NAF1: variants seen among roughly 807,000 people sequenced by gnomAD.
NAF1 encodes nuclear assembly factor 1 ribonucleoprotein.
A neutral mutation model predicts 40.6 loss-of-function variants in NAF1; 11 were observed. The observed-to-expected ratio is 0.27, with a 90% confidence interval of 0.17 to 0.45. NAF1 has a LOEUF of 0.45. Among genes scored for constraint, NAF1 ranks in the 20% least tolerant of loss-of-function variants. The pLI, the probability that NAF1 is intolerant of heterozygous loss-of-function variation, is 1.00. For synonymous variants in NAF1, 260 were observed against 228.5 expected (o/e 1.14, Z -1.24); for missense variants, 607 against 611.1 (o/e 0.99, Z 0.07).
Position 163,166,799 on chromosome 4 carries a change from T to G in NAF1, c.-72A>C, listed in dbSNP as rs112872141. 42 of 1,571,796 alleles carry G rather than the reference T, an allele frequency of 2.7e-5. No individual in the cohort carries two copies. The African/African-American group carries it at 3.3e-4, about 12-fold the overall frequency. ...ACAAGCTCACGGCTCTCTCCAGAAA[T>G]AGAAAAACAACTTAGGCAACCGCAG... On this transcript the variant is annotated 5_prime_UTR_variant, in exon 1 of 8. Coordinates refer to ENST00000274054, the MANE Select transcript of NAF1 (RefSeq NM_138386.3).
At chr4:163,113,977 T>A (rs1349786202) in intron 2 of NAF1, among the ~76,000 whole-genome samples, 1 of 152,170 alleles carries the variant, frequency 6.6e-6, no homozygotes, top group African/African-American at 2.4e-5. Flanking sequence ...AAAACTGTAT[T>A]AGCCAAGATT....
In NAF1 at chr4:163,137,587, C is replaced by T. The variant is rs575693380; in HGVS notation, c.879-337G>A. Among the ~76,000 whole-genome samples the T allele has an allele frequency of 7.4e-4, 112 of 152,222 alleles. 1 individual carries two copies. Among genetic ancestry groups the T allele is most frequent in the Admixed American group, 1.3e-3 (20 of 15,296 alleles). ...CAGTTTAAAAAAAATGCTTATTTCA[C>T]GCCAACTGTAGATCAGAAGTTGTTC... On this transcript the variant is annotated intron_variant, in intron 5 of 7. Coordinates refer to ENST00000274054, the MANE Select transcript of NAF1 (RefSeq NM_138386.3).
chr4:163,128,568 A>G (rs1730736872), downstream of NAF1: 1 of 215,664 alleles, frequency 4.6e-6, no homozygotes, highest in Non-Finnish European at 8.0e-6. Context: ...TGTGCTCCAT[A>G]TATTTTACCC....
At chr4:163,112,167 C>CA (rs1730180014) in intron 2 of NAF1, among the ~76,000 whole-genome samples, 1 of 151,672 alleles carries the variant, frequency 6.6e-6, no homozygotes, top group South Asian at 2.1e-4. Flanking sequence ...AGCGATTTTA[C>CA]AAAATGGAAA....
chr4:163,126,669 G>C (rs76237573), downstream of NAF1: 642 of 179,452 alleles, frequency 3.6e-3, 20 homozygotes, highest in East Asian at 0.052. Flanking sequence ...GGGTTTGAGA[G>C]GACTTGATCC....
intron 4 of NAF1, among the ~76,000 whole-genome samples, chr4:163,142,502 T>C (rs1053492532): frequency 6.6e-6 from 1 of 152,220 alleles, no homozygotes; most frequent in Non-Finnish European, 1.5e-5. Flanking sequence ...AACTAAAATA[T>C]AAGTGACATT....
In NAF1 at chr4:163,166,614, T is replaced by C; in HGVS notation, c.114A>G (p.Pro38=). 6.2e-7 allele frequency: 1 copy of C among 1,611,042 alleles called. No individual in the cohort carries two copies. The highest frequency in any genetic ancestry group is 8.5e-7 in the Non-Finnish European group (1 of 1,179,428). ...AAPSPGSAPV[P]GTQPPLQSFE... is the part of the protein sequence containing the mutation. The stretch of plus-strand genomic sequence containing the variant: ...ACGACTGTAGCGGCGGCTGTGTCCC[T>C]GGCACAGGGGCAGAGCCCGGAGACG... Residue 38 remains proline (P), a synonymous_variant, in exon 1 of 8, where the codon CCA becomes CCG. Transcript: ENST00000274054.
chr4:163,127,490 T>C (rs1306561510), downstream of NAF1, among the ~76,000 whole-genome samples: 5 of 152,202 alleles, frequency 3.3e-5, no homozygotes, highest in African/African-American at 9.6e-5. Flanking sequence ...AATAATAACA[T>C]GTTACTGTTC....
chr4:163,111,636 TA>T (rs1177630113), intron 2 of NAF1, among the ~76,000 whole-genome samples: 1 of 152,088 alleles, frequency 6.6e-6, no homozygotes, highest in African/African-American at 2.4e-5. Context: ...AATGTGTACA[TA>T]AAAAACATAA....
chr4:163,117,056 C>T (rs911346486), intron 2 of NAF1, among the ~76,000 whole-genome samples: 5 of 152,200 alleles, frequency 3.3e-5, no homozygotes, highest in African/African-American at 1.2e-4. Context: ...GTACACTCTT[C>T]ATACCCGTCA....
At chr4:163,127,071 A>G, downstream of NAF1, 2 of 1,551,656 alleles carry the variant, frequency 1.3e-6, no homozygotes, top group Non-Finnish European at 1.7e-6. Context: ...CTTGACTGCA[A>G]TGGTCTGGAT....
chr4:163,120,150 G>A (rs932483731), intron 2 of NAF1, among the ~76,000 whole-genome samples: 12 of 152,164 alleles, frequency 7.9e-5, no homozygotes, highest in Non-Finnish European at 1.6e-4. Context: ...GGGGGAGAGT[G>A]CAAATGTTTC....
In NAF1 at chr4:163,129,166, T is replaced by A; in HGVS notation, c.1216A>T (p.Thr406Ser). Reference sequence around the variant, plus strand: ...TGTCTCTGAGAAGGAAATCCTGAAGTCTCCTGAGATACCATATGTTCTGAG... The same window carrying A: ...TGTCTCTGAGAAGGAAATCCTGAAGACTCCTGAGATACCATATGTTCTGAG... ...YNSEHMVSQE[T>S]SGFPSQRQNN... is the part of the protein sequence containing the mutation. Residue 406 changes from threonine to serine, a missense_variant, in exon 8 of 8, where the codon ACT becomes TCT. Physicochemically the swap from Thr to Ser is moderately conservative, Grantham distance 58 (BLOSUM62 1). Coordinates refer to ENST00000274054, the MANE Select transcript of NAF1 (RefSeq NM_138386.3). 6.2e-7 allele frequency: 1 copy of A among 1,613,812 alleles called. No individual in the cohort carries two copies. The highest frequency in any genetic ancestry group is 8.5e-7 in the Non-Finnish European group (1 of 1,179,820).
downstream of NAF1, among the ~76,000 whole-genome samples, chr4:163,105,444 T>C (rs1730036819): frequency 6.6e-6 from 1 of 152,222 alleles, no homozygotes; most frequent in African/African-American, 2.4e-5. Context: ...AATAGAATAA[T>C]CACAAGCTGA....
At chr4:163,104,166 G>A in the NAF1 span, among the ~76,000 whole-genome samples, 4 of 152,242 alleles carry the variant, frequency 2.6e-5, no homozygotes, top group Non-Finnish European at 2.9e-5. Context: ...TTAAGGTGGG[G>A]CAGAAACAAA....
chr4:163,123,185 G>T (rs1052133932), downstream of NAF1, among the ~76,000 whole-genome samples: 2 of 152,186 alleles, frequency 1.3e-5, no homozygotes, highest in African/African-American at 2.4e-5. Context: ...CACACGGTGA[G>T]TGTGAGCAAG....
intron 5 of NAF1, among the ~76,000 whole-genome samples, chr4:163,139,177 G>T (rs1326156029): frequency 1.3e-5 from 2 of 152,020 alleles, no homozygotes; most frequent in Non-Finnish European, 2.9e-5. Flanking sequence ...ATGCAACTGG[G>T]GTTGGTACCT....
intron 2 of NAF1, among the ~76,000 whole-genome samples, chr4:163,152,510 T>C (rs773798530): frequency 6.6e-6 from 1 of 152,218 alleles, no homozygotes; most frequent in Admixed American, 6.5e-5. Flanking sequence ...TGCTGTTCCA[T>C]GTTTCCAACC....
chr4:163,108,052 A>G (rs1162541302), downstream of NAF1, among the ~76,000 whole-genome samples: 1 of 152,238 alleles, frequency 6.6e-6, no homozygotes, highest in Non-Finnish European at 1.5e-5. Context: ...TTAGCTTGCT[A>G]GAGTGTGGAA....
Sources: allele counts gnomAD v4.1 joint callset (sites outside exome capture counted in the v4.1 genomes callset), GRCh38; gene constraint gnomAD v4.1.1; transcripts MANE v1.5; gene names NCBI Gene and HGNC (gene_info 2026-07-23, HGNC 2026-07-21).